Variants in HECW2 observed in about 807,000 individuals in gnomAD.
HECW2 encodes HECT, C2 and WW domain containing E3 ubiquitin protein ligase 2.
Under a neutral mutation model 175.2 loss-of-function variants are expected in HECW2, and 61 were observed. That is an observed-to-expected ratio of 0.35 (90% CI 0.28 to 0.43). HECW2 has a LOEUF of 0.43. Among genes scored for constraint, HECW2 ranks in the 20% least tolerant of loss-of-function variants. HECW2 has a pLI of 1.00. For missense variants in HECW2, 1,524 were observed against 2,000.5 expected, an observed-to-expected ratio of 0.76 and a Z score of 4.54; for synonymous variants, 671 against 731.0, an observed-to-expected ratio of 0.92 and a Z score of 1.32.
In HECW2 at chr2:196,307,145, G is replaced by A; in HGVS notation, c.2674C>T (p.His892Tyr). The A allele has an allele frequency of 6.2e-7, 1 of 1,612,698 alleles. No individual in the cohort carries two copies. Among genetic ancestry groups the A allele is most frequent in the Non-Finnish European group, 8.5e-7 (1 of 1,178,716 alleles). ...IDGAGEEADF[H>Y]QASADFRREN... is the part of the protein sequence containing the mutation. ...AAGCTCTTACCTGCACTGGCTTGGT[G>A]AAAGTCAGCTTCCTCCCCTGCCCCA... The change falls in exon 12 of 29, where the codon CAC (histidine) becomes TAC (tyrosine). Residue 892 changes from histidine to tyrosine, a missense_variant. By Grantham distance (83) the His-to-Tyr change is moderately conservative (BLOSUM62 2). Coordinates refer to ENST00000644978, the MANE Select transcript of HECW2 (RefSeq NM_001348768.2).
At chr2:196,292,417 C>CCTG in intron 14 of HECW2, 148 bp downstream of exon 14, 1 of 657,766 alleles carries the variant, frequency 1.5e-6, no homozygotes, top group Non-Finnish European at 2.6e-6. Context: ...TCACAAACAA[C>CCTG]CTGCTGTCCA....
chr2:196,257,995 G>T, intron 17 of HECW2, 89 bp from the exon 18 acceptor site: 1 of 896,698 alleles, frequency 1.1e-6, no homozygotes. Flanking sequence ...TAATAGTCAT[G>T]ATGTTTTTTG....
At chr2:196,284,047 A>G (rs986774140) in intron 14 of HECW2, among the ~76,000 whole-genome samples, 4 of 151,990 alleles carry the variant, frequency 2.6e-5, no homozygotes, top group Admixed American at 2.6e-4. Flanking sequence ...CTTTCTGCCT[A>G]CCATCTTTTC....
chr2:196,363,033 G>T (rs1693643353), intron 2 of HECW2, among the ~76,000 whole-genome samples: 1 of 152,072 alleles, frequency 6.6e-6, no homozygotes, highest in African/African-American at 2.4e-5. Context: ...GACACAGTTT[G>T]CCCTGAAGCT....
intron 23 of HECW2, 75 bp downstream of exon 23, chr2:196,225,697 G>A (rs562532979): frequency 4.7e-6 from 4 of 853,104 alleles, no homozygotes; most frequent in Non-Finnish European, 7.7e-6. Flanking sequence ...CAATGACTTT[G>A]ACAGAAGAAT....
chr2:196,491,365 T>TACACACAC (rs757194604), intron 1 of HECW2, among the ~76,000 whole-genome samples: 31 of 100,728 alleles, frequency 3.1e-4, no homozygotes, highest in Non-Finnish European at 4.9e-4. Flanking sequence ...AAATCATATA[T>TACACACAC]ATATACACAC....
At chr2:196,442,211 C>A (rs1696063192) in intron 1 of HECW2, among the ~76,000 whole-genome samples, 1 of 151,894 alleles carries the variant, frequency 6.6e-6, no homozygotes, top group Admixed American at 6.6e-5. Context: ...TTAATTAAAA[C>A]CTTCTTTGAA....
At chr2:196,519,661 T>C (rs1054120241) in intron 1 of HECW2, among the ~76,000 whole-genome samples, 14 of 152,350 alleles carry the variant, frequency 9.2e-5, no homozygotes, top group East Asian at 5.8e-4. Context: ...TGCAGATTCA[T>C]GGACTGCAAA....
At chr2:196,449,486 G>T (rs763220093) in intron 1 of HECW2, among the ~76,000 whole-genome samples, 2 of 152,120 alleles carry the variant, frequency 1.3e-5, no homozygotes, top group Non-Finnish European at 2.9e-5. Flanking sequence ...TAAAATTGCC[G>T]ATTTCTTTCT....
At chr2:196,369,076 T>C (rs13028209) in intron 2 of HECW2, among the ~76,000 whole-genome samples, 11,249 of 152,164 alleles carry the variant, frequency 0.074, 632 homozygotes, top group African/African-American at 0.16. Context: ...TAGGTATTTA[T>C]TGCAGTCTTT....
chr2:196,498,125 C>G (rs1251676609), intron 1 of HECW2, among the ~76,000 whole-genome samples: 1 of 152,152 alleles, frequency 6.6e-6, no homozygotes, highest in Admixed American at 6.5e-5. Context: ...TCCTTGGCCC[C>G]TACAGCACCA....
intron 13 of HECW2, among the ~76,000 whole-genome samples, chr2:196,305,917 T>C (rs1691239586): frequency 1.3e-5 from 2 of 152,168 alleles, no homozygotes; most frequent in Non-Finnish European, 2.9e-5. Flanking sequence ...CTATCTTCAG[T>C]AAGCCACTCC....
chr2:196,460,417 G>C (rs531515353), intron 1 of HECW2, among the ~76,000 whole-genome samples: 6 of 150,054 alleles, frequency 4.0e-5, no homozygotes, highest in Non-Finnish European at 8.9e-5. Context: ...CAAGCCATGA[G>C]GAATAATTTC....
rs748423196 is a variant in HECW2, at chr2:196,292,622, C to G, written c.2943G>C (p.Ala981=). The part of the protein sequence containing the change: ...RDLVGFLNMF[A]NKQLELPRGW... ...CCCGCGGCAGCTCTAGCTGTTTGTTCGCGAACATGTTGAGGAATCCCACAA... is the reference window on the plus strand; with the variant it reads ...CCCGCGGCAGCTCTAGCTGTTTGTTGGCGAACATGTTGAGGAATCCCACAA... Residue 981 remains alanine, a synonymous_variant, in exon 14 of 29, where the codon GCG becomes GCC. Coordinates refer to ENST00000644978, the MANE Select transcript of HECW2 (RefSeq NM_001348768.2). 1 of 1,614,090 alleles carries G rather than the reference C, an allele frequency of 6.2e-7. No individual in the cohort carries two copies. Among genetic ancestry groups the G allele is most frequent in the Non-Finnish European group, 8.5e-7 (1 of 1,179,974 alleles).
chr2:196,456,415 T>C (rs77197091), intron 1 of HECW2, among the ~76,000 whole-genome samples: 180 of 149,314 alleles, frequency 1.2e-3, no homozygotes, highest in African/African-American at 4.3e-3. Context: ...AAGGAAAGTA[T>C]TGCCACACTA....
chr2:196,469,486 T>A (rs1052260850), intron 1 of HECW2, among the ~76,000 whole-genome samples: 7 of 152,112 alleles, frequency 4.6e-5, no homozygotes, highest in African/African-American at 1.4e-4. Context: ...GGTTCACAGG[T>A]GCTAAATATC....
intron 19 of HECW2, among the ~76,000 whole-genome samples, chr2:196,249,316 G>C (rs76645042): frequency 6.6e-6 from 1 of 152,082 alleles, no homozygotes; most frequent in African/African-American, 2.4e-5. Flanking sequence ...CATTATAATG[G>C]TCCTAGAAAA....
rs544363709 is a variant in HECW2 at position 196,466,096 on chromosome 2, C to T, written c.-35-32638G>A. Among the ~76,000 whole-genome samples the T allele has an allele frequency of 2.0e-5, 3 of 152,284 alleles. No homozygotes were observed. In the South Asian group the frequency reaches 6.2e-4, roughly 32 times the overall value. On this transcript the variant is annotated intron_variant, in intron 1 of 28. Transcript: ENST00000644978. ...TAATGGCTAAGAATTTTCTTTGTCA[C>T]ACCTATATACCAGCAGAATCCAGTG...
At chr2:196,475,639 T>A (rs1283128670) in intron 1 of HECW2, among the ~76,000 whole-genome samples, 1 of 152,232 alleles carries the variant, frequency 6.6e-6, no homozygotes, top group African/African-American at 2.4e-5. Flanking sequence ...CAGGCCTACA[T>A]CTTCCCAGCT....
Sources: allele counts gnomAD v4.1 joint callset (sites outside exome capture counted in the v4.1 genomes callset), GRCh38; gene constraint gnomAD v4.1.1; transcripts MANE v1.5; gene names NCBI Gene and HGNC (gene_info 2026-07-23, HGNC 2026-07-21).